Variants in DOK6 observed in about 807,000 individuals in gnomAD.
DOK6 encodes the protein docking protein 6, also known as downstream of tyrosine kinase 6.
Under a neutral mutation model 44.0 loss-of-function variants are expected in DOK6, and 22 were observed. The observed-to-expected ratio is 0.50, with a 90% CI of 0.36 to 0.71. DOK6 has a LOEUF of 0.71. Among genes scored for constraint, DOK6 ranks in the 30% least tolerant of loss-of-function variants. The probability of loss-of-function intolerance (pLI) is 0.00; values close to 1 mark genes in which losing one functional copy is unlikely to be tolerated. For missense variants in DOK6, 340 were observed against 416.4 expected, an observed-to-expected ratio of 0.82 and a Z score of 1.60; for synonymous variants, 166 against 145.5, an observed-to-expected ratio of 1.14 and a Z score of -1.01.
intron 1 of DOK6, among the ~76,000 whole-genome samples, chr18:69,499,616 T>C (rs956206174): frequency 1.3e-5 from 2 of 152,150 alleles, no homozygotes; most frequent in African/African-American, 4.8e-5. Flanking sequence ...TGTCATCAGT[T>C]TCTGATGGCT....
At chr18:69,755,438 A>G (rs537986806) in intron 6 of DOK6, among the ~76,000 whole-genome samples, 2 of 152,380 alleles carry the variant, frequency 1.3e-5, no homozygotes, top group Admixed American at 6.5e-5. Flanking sequence ...AAAGGAATAA[A>G]GAGTAGACAG....
rs2145147274 is a variant in DOK6, at chr18:69,847,884, T to C, written c.*6501T>C. 1 of 152,174 alleles carries C rather than the reference T, an allele frequency of 6.6e-6. No homozygotes were observed. The highest frequency in any genetic ancestry group is 2.1e-4 in the South Asian group (1 of 4,810). The allele number at this position is 152,174 out of a possible 1,614,324, so 9.4% of individuals were successfully genotyped here. A position where few individuals can be genotyped will look rare whatever the true frequency, so the allele number is the denominator to read the frequency against. On this transcript the variant is annotated 3_prime_UTR_variant, in exon 8 of 8. Transcript: ENST00000382713. ...ACAAAATACTGTATTACTTTAGTTATAGCAAGCAGTACATAAATGACATCA... is the reference window on the plus strand; with the variant it reads ...ACAAAATACTGTATTACTTTAGTTACAGCAAGCAGTACATAAATGACATCA...
intron 3 of DOK6, among the ~76,000 whole-genome samples, chr18:69,637,512 C>T (rs188117893): frequency 1.3e-3 from 198 of 152,252 alleles, no homozygotes; most frequent in African/African-American, 4.0e-3. Flanking sequence ...TCATCCCTCT[C>T]TCATCATTCA....
chr18:69,426,973 T>C (rs1351540707), intron 1 of DOK6, among the ~76,000 whole-genome samples: 4 of 151,630 alleles, frequency 2.6e-5, no homozygotes, highest in Admixed American at 2.0e-4. Flanking sequence ...TCAGTTATTT[T>C]TCCTGATCCT....
intron 5 of DOK6, among the ~76,000 whole-genome samples, chr18:69,702,132 TG>T (rs1170658368): frequency 1.4e-5 from 2 of 141,370 alleles, no homozygotes; most frequent in Admixed American, 7.5e-5. Context: ...CCTTCTGGGT[TG>T]GTTTTTTTTT....
intron 3 of DOK6, among the ~76,000 whole-genome samples, chr18:69,656,881 T>C (rs1182173164): frequency 6.6e-6 from 1 of 152,176 alleles, no homozygotes; most frequent in Non-Finnish European, 1.5e-5. Context: ...CAGGTTGCAC[T>C]CCAGATCTTC....
chr18:69,647,194 C>CCTAT (rs1413713034), intron 3 of DOK6, among the ~76,000 whole-genome samples: 1 of 151,894 alleles, frequency 6.6e-6, no homozygotes, highest in Non-Finnish European at 1.5e-5. Flanking sequence ...CATCCATCTA[C>CCTAT]CTATCTATCT....
At chr18:69,602,475 G>T (rs1229679470) in intron 3 of DOK6, among the ~76,000 whole-genome samples, 2 of 152,162 alleles carry the variant, frequency 1.3e-5, no homozygotes, top group East Asian at 1.9e-4. Context: ...AGCTAAGAAG[G>T]CCTGATGAAT....
At chr18:69,727,276 G>A (rs1004897424) in intron 5 of DOK6, among the ~76,000 whole-genome samples, 9 of 152,138 alleles carry the variant, frequency 5.9e-5, no homozygotes, top group African/African-American at 7.2e-5. Context: ...GTTTCAACAC[G>A]TGAGTTTGGG....
intron 7 of DOK6, among the ~76,000 whole-genome samples, chr18:69,792,692 T>C (rs969702153): frequency 1.3e-5 from 2 of 152,098 alleles, no homozygotes; most frequent in Admixed American, 6.6e-5. Flanking sequence ...TGTTGTCTGA[T>C]TGCTCTAACT....
intron 3 of DOK6, among the ~76,000 whole-genome samples, chr18:69,608,559 G>C (rs535832673): frequency 3.9e-5 from 6 of 152,186 alleles, no homozygotes; most frequent in African/African-American, 1.4e-4. Flanking sequence ...AATTTTGAGA[G>C]GGATTGCACT....
intron 1 of DOK6, among the ~76,000 whole-genome samples, chr18:69,447,091 G>A (rs1177512578): frequency 1.3e-5 from 2 of 152,168 alleles, no homozygotes; most frequent in African/African-American, 2.4e-5. Context: ...GGCTTTTGTT[G>A]CCATTGCTTT....
intron 7 of DOK6, among the ~76,000 whole-genome samples, chr18:69,782,535 C>T (rs914785232): frequency 6.6e-6 from 1 of 151,498 alleles, no homozygotes; most frequent in Non-Finnish European, 1.5e-5. Context: ...TCTAAAGCTT[C>T]ATGCATCTTC....
intron 5 of DOK6, among the ~76,000 whole-genome samples, chr18:69,732,936 A>C (rs1978462881): frequency 6.6e-6 from 1 of 152,210 alleles, no homozygotes; most frequent in South Asian, 2.1e-4. Flanking sequence ...TACTTGACCC[A>C]CAATTTTTAA....
Position 69,427,106 on chromosome 18 carries a change from T to A in DOK6, c.66+25796T>A, listed in dbSNP as rs141285098. 2.6e-3 allele frequency among the ~76,000 whole-genome samples: 393 copies of A among 152,306 alleles called. 2 individuals carry two copies. Among genetic ancestry groups the A allele is most frequent in the African/African-American group, 9.0e-3 (374 of 41,572 alleles). On this transcript the variant is annotated intron_variant, in intron 1 of 7. Transcript: ENST00000382713. ...CAAGAACATATGGTATTTGGTTATATGTTCCTGTGTTAGTTTGCTAAGGAT... is the reference window on the plus strand; with the variant it reads ...CAAGAACATATGGTATTTGGTTATAAGTTCCTGTGTTAGTTTGCTAAGGAT...
intron 5 of DOK6, among the ~76,000 whole-genome samples, chr18:69,703,377 A>C (rs974266220): frequency 6.6e-6 from 1 of 152,208 alleles, no homozygotes; most frequent in African/African-American, 2.4e-5. Flanking sequence ...AGAACTAAAG[A>C]AACAAAAATA....
At chr18:69,708,903 C>T (rs142529081) in intron 5 of DOK6, among the ~76,000 whole-genome samples, 1 of 151,718 alleles carries the variant, frequency 6.6e-6, no homozygotes, top group Non-Finnish European at 1.5e-5. Context: ...CTGGACAGGG[C>T]AATATAGGGA....
intron 3 of DOK6, among the ~76,000 whole-genome samples, chr18:69,626,964 G>A (rs1599229360): frequency 7.2e-6 from 1 of 139,442 alleles, no homozygotes; most frequent in African/African-American, 3.4e-5. Context: ...ACTGGTGAGA[G>A]GGGTCAGGCC....
intron 1 of DOK6, among the ~76,000 whole-genome samples, chr18:69,536,163 A>G (rs1982116991): frequency 1.3e-5 from 2 of 152,162 alleles, no homozygotes; most frequent in South Asian, 4.1e-4. Context: ...AAAGGACTCA[A>G]AGGATCACAT....
Sources: gnomAD v4.1 joint callset for allele counts (sites outside exome capture counted in the v4.1 genomes callset) on GRCh38, gnomAD v4.1.1 for gene constraint, MANE v1.5 for transcripts, NCBI Gene and HGNC (gene_info 2026-07-23, HGNC 2026-07-21) for gene names.